C1orf21: variants seen among roughly 807,000 people sequenced by gnomAD.
C1orf21 encodes the protein chromosome 1 open reading frame 21.
C1orf21 carries 3 observed loss-of-function variants against 18.7 expected under a neutral mutation model. The ratio of observed to expected loss-of-function variants is 0.16; its 90% CI spans 0.07 to 0.42. The LOEUF is 0.42. Among genes scored for constraint, C1orf21 ranks in the 10% least tolerant of loss-of-function variants. The pLI is 0.99. For missense variants in C1orf21, 104 were observed against 143.6 expected (o/e 0.72, Z 1.41); for synonymous variants, 41 against 46.4 (o/e 0.88, Z 0.47).
In C1orf21 at chr1:184,628,799, G is replaced by A. The variant is rs146059621; in HGVS notation, c.*9243G>A. The A allele has an allele frequency of 2.3e-3, 347 of 152,390 alleles. No homozygotes were observed. Among genetic ancestry groups the A allele is most frequent in the Middle Eastern group, 6.8e-3 (2 of 294 alleles). The allele number at this position is 152,390 out of a possible 1,614,324, so 9.4% of individuals were successfully genotyped here. A position where few individuals can be genotyped will look rare whatever the true frequency, so the allele number is the denominator to read the frequency against. ...CCTGATTGGAATTCTTTGAACCCTC[G>A]AAGTGCTCCAGCAGTACTACCCCCC... On this transcript the variant is annotated 3_prime_UTR_variant, in exon 6 of 6. Transcript: ENST00000235307.
At chr1:184,468,462 A>C (rs1657440103) in intron 1 of C1orf21, among the ~76,000 whole-genome samples, 1 of 152,220 alleles carries the variant, frequency 6.6e-6, no homozygotes, top group South Asian at 2.1e-4. Flanking sequence ...TGTAAATTTT[A>C]AGGGAAACAG....
At chr1:184,536,768 G>A (rs1475915434) in intron 3 of C1orf21, among the ~76,000 whole-genome samples, 1 of 151,800 alleles carries the variant, frequency 6.6e-6, no homozygotes, top group Non-Finnish European at 1.5e-5. Flanking sequence ...AGGTGGCAGA[G>A]GAGGTAGATG....
chr1:184,478,808 C>T (rs772795481), intron 2 of C1orf21, among the ~76,000 whole-genome samples: 6 of 152,162 alleles, frequency 3.9e-5, no homozygotes, highest in Admixed American at 2.0e-4. Flanking sequence ...GACATTTGCA[C>T]GATGCTTTCA....
chr1:184,602,649 A>G (rs1373492844), intron 5 of C1orf21, among the ~76,000 whole-genome samples: 1 of 152,240 alleles, frequency 6.6e-6, no homozygotes, highest in South Asian at 2.1e-4. Context: ...GGAAGACAGT[A>G]TCTAGATTAA....
At chr1:184,590,869 T>G (rs374489712) in intron 4 of C1orf21, 54 bp downstream of exon 4, 3 of 1,431,430 alleles carry the variant, frequency 2.1e-6, no homozygotes, top group African/African-American at 1.4e-5. Flanking sequence ...ATCCATGGAT[T>G]CTGCATCTGT....
intron 3 of C1orf21, among the ~76,000 whole-genome samples, chr1:184,545,309 A>G (rs1658713563): frequency 1.3e-5 from 2 of 152,352 alleles, no homozygotes; most frequent in East Asian, 3.9e-4. Context: ...GTATGTGCAG[A>G]TATGAAAAGA....
intron 3 of C1orf21, among the ~76,000 whole-genome samples, chr1:184,590,329 A>C (rs1264596011): frequency 6.6e-6 from 1 of 152,206 alleles, no homozygotes; most frequent in Non-Finnish European, 1.5e-5. Context: ...CAAACTTTAC[A>C]TCTCAGTAAG....
chr1:184,521,185 G>A (rs989484368), intron 3 of C1orf21, among the ~76,000 whole-genome samples: 4 of 151,954 alleles, frequency 2.6e-5, no homozygotes, highest in Admixed American at 6.6e-5. Flanking sequence ...CACTGCACCC[G>A]GCCAATATAA....
intron 3 of C1orf21, among the ~76,000 whole-genome samples, chr1:184,560,721 T>C (rs1202493926): frequency 2.0e-5 from 3 of 152,136 alleles, no homozygotes; most frequent in African/African-American, 7.2e-5. Flanking sequence ...GAGCAGGCTC[T>C]CCAGAATCCT....
chr1:184,577,114 G>C (rs1477569908), intron 3 of C1orf21, among the ~76,000 whole-genome samples: 1 of 151,174 alleles, frequency 6.6e-6, no homozygotes, highest in Non-Finnish European at 1.5e-5. Flanking sequence ...TATGTTACAT[G>C]GTAAAAGAGA....
Position 184,627,383 on chromosome 1 carries a change from C to T in C1orf21, c.*7827C>T, listed in dbSNP as rs1395488156. 1.3e-5 allele frequency: 2 copies of T among 152,024 alleles called. 1 individual carries two copies. Among genetic ancestry groups the T allele is most frequent in the Admixed American group, 1.3e-4 (2 of 15,268 alleles). 9.4% of individuals were successfully genotyped at this position (152,024 alleles called of 1,614,324 possible). Reference sequence around the variant, plus strand: ...GATGCATCAGAATACCAGCTATAAGCCAACACTGTTTCCAGAAACTCAAGA... The same window carrying T: ...GATGCATCAGAATACCAGCTATAAGTCAACACTGTTTCCAGAAACTCAAGA... On this transcript the variant is annotated 3_prime_UTR_variant, in exon 6 of 6. Coordinates refer to ENST00000235307, the MANE Select transcript of C1orf21 (RefSeq NM_030806.4).
chr1:184,582,819 A>ATGTTTTTT (rs1553257723), intron 3 of C1orf21, among the ~76,000 whole-genome samples: 1 of 151,854 alleles, frequency 6.6e-6, no homozygotes, highest in African/African-American at 2.4e-5. Context: ...GTTTGAGGGA[A>ATGTTTTTT]TGTTTTTTTG....
At chr1:184,406,243 T>C (rs1209667027) in intron 1 of C1orf21, among the ~76,000 whole-genome samples, 1 of 152,182 alleles carries the variant, frequency 6.6e-6, no homozygotes, top group Non-Finnish European at 1.5e-5. Context: ...TGAGTATATC[T>C]AGAAATGAAA....
In C1orf21 at chr1:184,395,015, C is replaced by A. The variant is rs192269628; in HGVS notation, c.-125+7647C>A. On this transcript the variant is annotated intron_variant, in intron 1 of 5. Coordinates refer to ENST00000235307, the MANE Select transcript of C1orf21 (RefSeq NM_030806.4). ...TGCCTCACCCTGGGATATCCTTCTT[C>A]CCCTCTACTGTGTCTCTTGAGATCC... Among the ~76,000 whole-genome samples, 126 of 152,224 alleles carry A rather than the reference C, an allele frequency of 8.3e-4. No homozygotes were observed. In the East Asian group the frequency reaches 0.022, roughly 27 times the overall value.
At chr1:184,590,328 C>T (rs2101998882) in intron 3 of C1orf21, among the ~76,000 whole-genome samples, 1 of 152,318 alleles carries the variant, frequency 6.6e-6, no homozygotes, top group East Asian at 1.9e-4. Context: ...GCAAACTTTA[C>T]ATCTCAGTAA....
chr1:184,601,900 CA>C (rs1179689042), intron 5 of C1orf21, among the ~76,000 whole-genome samples: 26 of 142,034 alleles, frequency 1.8e-4, no homozygotes, highest in East Asian at 4.1e-4. Context: ...GACTCCATCT[CA>C]AAAAAAAAAA....
At chr1:184,510,552 T>C (rs1358255273) in intron 3 of C1orf21, among the ~76,000 whole-genome samples, 5 of 152,148 alleles carry the variant, frequency 3.3e-5, no homozygotes, top group Admixed American at 6.6e-5. Flanking sequence ...AAGTATGGAA[T>C]TGGGGACAAG....
At chr1:184,440,178 G>T (rs146652567) in intron 1 of C1orf21, among the ~76,000 whole-genome samples, 29 of 152,178 alleles carry the variant, frequency 1.9e-4, no homozygotes, top group Admixed American at 7.2e-4. Context: ...ATTGAGACTT[G>T]CTTTAAGATG....
intron 3 of C1orf21, among the ~76,000 whole-genome samples, chr1:184,536,477 T>A (rs752793957): frequency 9.9e-5 from 15 of 152,116 alleles, no homozygotes; most frequent in Non-Finnish European, 2.1e-4. Context: ...TGGCCTTCAC[T>A]CATACCCCTT....
Sources: gnomAD v4.1 joint callset for allele counts (sites outside exome capture counted in the v4.1 genomes callset) on GRCh38, gnomAD v4.1.1 for gene constraint, MANE v1.5 for transcripts, NCBI Gene and HGNC (gene_info 2026-07-23, HGNC 2026-07-21) for gene names.